Variants in SLAMF1 observed in about 807,000 individuals in gnomAD.
SLAMF1 encodes the protein signaling lymphocytic activation molecule family member 1.
Under a neutral mutation model 35.1 loss-of-function variants are expected in SLAMF1, and 18 were observed. The observed-to-expected ratio is 0.51, with a 90% CI of 0.35 to 0.76. The LOEUF (loss-of-function observed/expected upper bound fraction) is 0.76. Ranked by LOEUF, SLAMF1 falls within the 30% of genes least tolerant of loss-of-function variation. The pLI, the probability that SLAMF1 is intolerant of heterozygous loss-of-function variation, is 0.01. For synonymous variants in SLAMF1, 168 were observed against 157.2 expected (o/e 1.07, Z -0.51); for missense variants, 392 against 413.0 (o/e 0.95, Z 0.44).
intron 1 of SLAMF1, among the ~76,000 whole-genome samples, chr1:160,639,339 C>T (rs1660622427): frequency 6.6e-6 from 1 of 152,168 alleles, no homozygotes; most frequent in Non-Finnish European, 1.5e-5. Context: ...AAGTCCCCTG[C>T]CTCAGTCTCC....
intron 3 of SLAMF1, among the ~76,000 whole-genome samples, chr1:160,628,653 A>G (rs1207264114): frequency 6.6e-6 from 1 of 152,186 alleles, no homozygotes; most frequent in East Asian, 1.9e-4. Context: ...AGGGCACTCA[A>G]TATGCACTCG....
chr1:160,635,140 G>A (rs1181897932), intron 2 of SLAMF1, among the ~76,000 whole-genome samples: 1 of 152,178 alleles, frequency 6.6e-6, no homozygotes, highest in Non-Finnish European at 1.5e-5. Flanking sequence ...TACCAATATT[G>A]TTAGGGCTCC....
At chr1:160,617,027 G>A (rs931769142) in intron 5 of SLAMF1, among the ~76,000 whole-genome samples, 5 of 151,968 alleles carry the variant, frequency 3.3e-5, no homozygotes, top group African/African-American at 9.7e-5. Flanking sequence ...GTGGTGGTGC[G>A]TACCTGTAAT....
chr1:160,634,960 C>G (rs1660359396), intron 2 of SLAMF1, 63 bp from the exon 3 acceptor site: 1 of 1,457,830 alleles, frequency 6.9e-7, no homozygotes. Context: ...CTCACTTGAC[C>G]TTTTTGTTAG....
At chr1:160,615,761 T>C (rs1336747753) in intron 5 of SLAMF1, 2 of 346,382 alleles carry the variant, frequency 5.8e-6, no homozygotes, top group African/African-American at 2.2e-5. Context: ...AGTCTGATGA[T>C]GACTGTCCTT....
Position 160,646,171 on chromosome 1 carries a change from G to A in SLAMF1, c.76+699C>T, listed in dbSNP as rs144089846. Among the ~76,000 whole-genome samples the A allele has an allele frequency of 2.1e-3, 325 of 152,290 alleles. 2 individuals are homozygous for A. Among genetic ancestry groups the A allele is most frequent in the African/African-American group, 7.5e-3 (313 of 41,568 alleles). On this transcript the variant is annotated intron_variant, in intron 1 of 6. Transcript: ENST00000302035. The stretch of plus-strand genomic sequence containing the variant: ...GGAACAGAGTCCAGATCCAAAGGTA[G>A]CTCTTGTCTGGCCTTCCTGCTGGAG...
chr1:160,617,601 T>C (rs151271668), intron 5 of SLAMF1, among the ~76,000 whole-genome samples: 8 of 152,276 alleles, frequency 5.3e-5, no homozygotes, highest in African/African-American at 1.9e-4. Context: ...AATTCAATTT[T>C]TATAAAGTTC....
intron 1 of SLAMF1, among the ~76,000 whole-genome samples, chr1:160,644,623 A>G (rs1016763420): frequency 6.6e-6 from 1 of 152,156 alleles, no homozygotes; most frequent in Non-Finnish European, 1.5e-5. Flanking sequence ...CTGCCACATC[A>G]TGTGTCCTTA....
In SLAMF1 at chr1:160,608,182, C is replaced by T. The variant is rs537001769; in HGVS notation, c.*2566G>A. ...AAACTTCAGAAGAAGAATCAATTCACAGTGGCTTCTCAGCCAGCACACACC... is the reference window on the plus strand; with the variant it reads ...AAACTTCAGAAGAAGAATCAATTCATAGTGGCTTCTCAGCCAGCACACACC... On this transcript the variant is annotated 3_prime_UTR_variant, in exon 7 of 7. Transcript: ENST00000302035. 1 of 152,324 alleles carries T rather than the reference C, an allele frequency of 6.6e-6. No individual in the cohort carries two copies. Among genetic ancestry groups the T allele is most frequent in the South Asian group, 2.1e-4 (1 of 4,830 alleles). 9.4% of individuals were successfully genotyped at this position (152,324 alleles called of 1,614,324 possible). A position where few individuals can be genotyped will look rare whatever the true frequency, so the allele number is the denominator to read the frequency against.
At chr1:160,643,712 G>A (rs1162455534) in intron 1 of SLAMF1, among the ~76,000 whole-genome samples, 1 of 152,144 alleles carries the variant, frequency 6.6e-6, no homozygotes, top group Non-Finnish European at 1.5e-5. Flanking sequence ...ATCAAATCGG[G>A]TTAATTGGGA....
intron 1 of SLAMF1, among the ~76,000 whole-genome samples, chr1:160,640,337 T>C (rs765850549): frequency 0.13 from 16,887 of 128,496 alleles, 1,295 homozygotes; most frequent in South Asian, 0.19. Flanking sequence ...TATATATATA[T>C]ATATATATAT....
intron 1 of SLAMF1, among the ~76,000 whole-genome samples, chr1:160,640,861 C>T (rs1177471776): frequency 6.6e-6 from 1 of 152,076 alleles, no homozygotes; most frequent in Non-Finnish European, 1.5e-5. Flanking sequence ...GAGTGCTCTC[C>T]CCTGCTGCTT....
At chr1:160,627,274 G>A (rs976435035) in intron 3 of SLAMF1, among the ~76,000 whole-genome samples, 10 of 152,190 alleles carry the variant, frequency 6.6e-5, no homozygotes, top group African/African-American at 2.4e-4. Context: ...AATCCATCAT[G>A]TGGTCAGTAA....
intron 5 of SLAMF1, among the ~76,000 whole-genome samples, chr1:160,614,892 G>C (rs1006100836): frequency 2.0e-5 from 3 of 151,988 alleles, no homozygotes; most frequent in African/African-American, 4.8e-5. Context: ...CCACTGATTT[G>C]TACATCTTTA....
At chr1:160,617,978 C>T (rs2369726) in intron 5 of SLAMF1, among the ~76,000 whole-genome samples, 54,406 of 151,932 alleles carry the variant, frequency 0.36, 12,145 homozygotes, top group East Asian at 0.65. Flanking sequence ...AAGGCTGAGG[C>T]AGGAGAATCA....
intron 4 of SLAMF1, 31 bp downstream of exon 4, chr1:160,624,065 G>A (rs773335567): frequency 1.4e-6 from 2 of 1,451,266 alleles, no homozygotes; most frequent in South Asian, 1.2e-5. Context: ...CAGAGAGTGT[G>A]ATAAGAATCT....
At chr1:160,641,879 C>G (rs974570749) in intron 1 of SLAMF1, among the ~76,000 whole-genome samples, 1 of 152,200 alleles carries the variant, frequency 6.6e-6, no homozygotes, top group African/African-American at 2.4e-5. Flanking sequence ...GCTGTTAACA[C>G]CAACTCACTT....
At chr1:160,611,483 T>C (rs1465884892) in intron 6 of SLAMF1, among the ~76,000 whole-genome samples, 1 of 152,234 alleles carries the variant, frequency 6.6e-6, no homozygotes, top group African/African-American at 2.4e-5. Flanking sequence ...ATAGGGCACC[T>C]GCCCAGGCAT....
At chr1:160,635,434 G>A (rs959072989) in intron 2 of SLAMF1, among the ~76,000 whole-genome samples, 4 of 152,142 alleles carry the variant, frequency 2.6e-5, no homozygotes, top group African/African-American at 9.7e-5. Flanking sequence ...GATAGTGATA[G>A]GTCCTCAATT....
Sources: allele counts gnomAD v4.1 joint callset (sites outside exome capture counted in the v4.1 genomes callset), GRCh38; gene constraint gnomAD v4.1.1; transcripts MANE v1.5; gene names NCBI Gene and HGNC (gene_info 2026-07-23, HGNC 2026-07-21).